Variants in ZNF529 observed in about 807,000 individuals in gnomAD.
ZNF529 encodes the protein zinc finger protein 529.
ZNF529 carries 11 observed loss-of-function variants against 10.1 expected under a neutral mutation model. The ratio of observed to expected loss-of-function variants is 1.09; its 90% confidence interval spans 0.69 to 1.81. ZNF529 has a LOEUF of 1.81. Ranked by LOEUF, ZNF529 falls within the 40% of genes most tolerant of loss-of-function variation. The pLI is 0.00. For missense variants in ZNF529, 624 were observed against 666.8 expected, an observed-to-expected ratio of 0.94 and a Z score of 0.71; for synonymous variants, 204 against 215.7, an observed-to-expected ratio of 0.95 and a Z score of 0.47.
At chr19:36,570,463 A>G (rs1208985516) in intron 2 of ZNF529, among the ~76,000 whole-genome samples, 1 of 152,156 alleles carries the variant, frequency 6.6e-6, no homozygotes, top group Non-Finnish European at 1.5e-5. Context: ...CTGGTTGGCC[A>G]CGCTTCATGT....
At chr19:36,570,697 T>A (rs1278751497) in intron 2 of ZNF529, among the ~76,000 whole-genome samples, 1 of 152,254 alleles carries the variant, frequency 6.6e-6, no homozygotes, top group African/African-American at 2.4e-5. Flanking sequence ...TCAAATTGCC[T>A]TAATAGAACA....
At chr19:36,577,249 C>A (rs754486784), upstream of ZNF529, 1 of 435,028 alleles carries the variant, frequency 2.3e-6, no homozygotes, top group South Asian at 1.6e-5. Flanking sequence ...TGTGAACCAC[C>A]GTGCCCGGCC....
chr19:36,580,178 T>C (rs941797558), intron 2 of ZNF529: 2 of 152,194 alleles, frequency 1.3e-5, no homozygotes, highest in Admixed American at 6.5e-5. Flanking sequence ...ATTAAAAATA[T>C]GCATGGAGCT....
chr19:36,601,270 A>T (rs1274167948), intron 1 of ZNF529, among the ~76,000 whole-genome samples: 1 of 150,818 alleles, frequency 6.6e-6, no homozygotes, highest in Admixed American at 6.6e-5. Flanking sequence ...CACCTGGCTA[A>T]TTTTTTTTTA....
chr19:36,581,929 AT>A (rs1168771678), intron 2 of ZNF529: 1 of 152,250 alleles, frequency 6.6e-6, no homozygotes, highest in African/African-American at 2.4e-5. Context: ...ACAATGTAAT[AT>A]TATTCAGCCT....
rs1288878592 is a variant in ZNF529, at chr19:36,546,135, C to T, written c.*731G>A. 1.4e-5 allele frequency: 2 copies of T among 147,232 alleles called. No homozygotes were observed. Among genetic ancestry groups the T allele is most frequent in the African/African-American group, 5.0e-5 (2 of 40,096 alleles). 9.1% of individuals were successfully genotyped at this position (147,232 alleles called of 1,614,324 possible). ...ATATAGTATACATCACACACATATACATCACACACTATATACACACATATA... is the reference window on the plus strand; with the variant it reads ...ATATAGTATACATCACACACATATATATCACACACTATATACACACATATA... On this transcript the variant is annotated 3_prime_UTR_variant, in exon 5 of 5. Coordinates refer to ENST00000591340, the MANE Select transcript of ZNF529 (RefSeq NM_020951.5).
Position 36,561,187 on chromosome 19 carries a change from C to T in ZNF529, c.15-4990G>A, listed in dbSNP as rs1235593337. Among the ~76,000 whole-genome samples the T allele has an allele frequency of 2.6e-5, 4 of 152,124 alleles. No individual in the cohort carries two copies. In the East Asian group the frequency reaches 7.7e-4, roughly 29 times the overall value. On this transcript the variant is annotated intron_variant, in intron 2 of 4. Transcript: ENST00000591340. ...GAACTTTGGGGCTTGCTGCCCGGGG[C>T]TGCCTCAAGTCTCTGCTCCCCACAT...
Position 36,548,335 on chromosome 19 carries a change from A to G in ZNF529, c.236-13T>C. On this transcript the variant is annotated splice_polypyrimidine_tract_variant and intron_variant, in intron 4 of 4. Coordinates refer to ENST00000591340, the MANE Select transcript of ZNF529 (RefSeq NM_020951.5). ...CTGGACTCCAAATCTGAAAGAAAGG[A>G]AAAAATAATTTTCATGTACTACAAA... 6.7e-7 allele frequency: 1 copy of G among 1,502,754 alleles called. No homozygotes were observed. Among genetic ancestry groups the G allele is most frequent in the Non-Finnish European group, 8.9e-7 (1 of 1,126,578 alleles). 93.1% of individuals were successfully genotyped at this position (1,502,754 alleles called of 1,614,324 possible). A position where few individuals can be genotyped will look rare whatever the true frequency, so the allele number is the denominator to read the frequency against.
At chr19:36,584,458 C>G (rs2036535754) in intron 2 of ZNF529, among the ~76,000 whole-genome samples, 1 of 152,030 alleles carries the variant, frequency 6.6e-6, no homozygotes, top group African/African-American at 2.4e-5. Context: ...CAAATTAGAT[C>G]AAAAGCACCA....
chr19:36,561,149 T>C (rs537283640), intron 2 of ZNF529, among the ~76,000 whole-genome samples: 28 of 152,152 alleles, frequency 1.8e-4, no homozygotes, highest in African/African-American at 5.8e-4. Context: ...GGGAAGGGCG[T>C]AGAACACTCA....
intron 4 of ZNF529, among the ~76,000 whole-genome samples, chr19:36,553,508 A>C (rs1008101038): frequency 2.0e-5 from 3 of 152,122 alleles, no homozygotes; most frequent in African/African-American, 2.4e-5. Context: ...AGCTGAGAGG[A>C]AAGTTAGTAA....
chr19:36,560,337 C>G (rs555009005), intron 2 of ZNF529, among the ~76,000 whole-genome samples: 1 of 150,840 alleles, frequency 6.6e-6, no homozygotes, highest in East Asian at 1.9e-4. Flanking sequence ...TATATCTCTT[C>G]TCCTCTTAAC....
At position 36,544,632 on chromosome 19, in the gene ZNF529, T is replaced by A. The variant is rs3170326; in HGVS notation, c.*2234A>T. 1.3e-5 allele frequency: 2 copies of A among 152,188 alleles called. No individual in the cohort carries two copies. Among genetic ancestry groups the A allele is most frequent in the African/African-American group, 2.4e-5 (1 of 41,534 alleles). The allele number at this position is 152,188 out of a possible 1,614,324, so 9.4% of individuals were successfully genotyped here. A position where few individuals can be genotyped will look rare whatever the true frequency, so the allele number is the denominator to read the frequency against. ...ATTTAGTTAGAAATAGAGCTACTACTCTATTTCAAAGATATGAAATAGCAA... is the reference window on the plus strand; with the variant it reads ...ATTTAGTTAGAAATAGAGCTACTACACTATTTCAAAGATATGAAATAGCAA... On this transcript the variant is annotated 3_prime_UTR_variant, in exon 5 of 5. Coordinates refer to ENST00000591340, the MANE Select transcript of ZNF529 (RefSeq NM_020951.5).
upstream of ZNF529, among the ~76,000 whole-genome samples, chr19:36,574,020 T>A (rs1238942316): frequency 1.3e-5 from 2 of 152,192 alleles, no homozygotes; most frequent in South Asian, 4.1e-4. Flanking sequence ...AGGGCGTGTT[T>A]TACACTGTTG....
chr19:36,558,322 G>C (rs987314652), intron 2 of ZNF529, among the ~76,000 whole-genome samples: 1 of 151,944 alleles, frequency 6.6e-6, no homozygotes, highest in African/African-American at 2.4e-5. Context: ...CATCCAGGAA[G>C]CTCAACAAAC....
intron 2 of ZNF529, among the ~76,000 whole-genome samples, chr19:36,561,474 C>T (rs1255698669): frequency 6.6e-6 from 1 of 151,960 alleles, no homozygotes; most frequent in East Asian, 1.9e-4. Context: ...CCTCCGCCTC[C>T]CCGGCTCAAG....
rs547867409 is a variant in ZNF529, at chr19:36,572,436, G to C, written c.-46-44C>G. The C allele has an allele frequency of 1.3e-4, 185 of 1,446,492 alleles. 6 individuals carry two copies. The South Asian group carries it at 2.3e-3, about 18-fold the overall frequency. The allele number at this position is 1,446,492 out of a possible 1,614,324, so 89.6% of individuals were successfully genotyped here. On this transcript the variant is annotated intron_variant, in intron 1 of 4. Coordinates refer to ENST00000591340, the MANE Select transcript of ZNF529 (RefSeq NM_020951.5). ...GAAAGGACTCATGACATCCTGGACT[G>C]GTTAAATAAGAACACAGTGTTCACC...
chr19:36,556,078 A>G (rs2145808467), intron 3 of ZNF529, 26 bp downstream of exon 3: 1 of 1,548,554 alleles, frequency 6.5e-7, no homozygotes, highest in Non-Finnish European at 8.7e-7. Flanking sequence ...GAAATATCAC[A>G]AAGAAAAGAG....
At chr19:36,595,268 T>C (rs3111545) in intron 1 of ZNF529, among the ~76,000 whole-genome samples, 51,602 of 152,080 alleles carry the variant, frequency 0.34, 9,335 homozygotes, top group African/African-American at 0.48. Flanking sequence ...GAAGAGTGAA[T>C]TTATGACCTC....
Sources: allele counts gnomAD v4.1 joint callset (sites outside exome capture counted in the v4.1 genomes callset), GRCh38; gene constraint gnomAD v4.1.1; transcripts MANE v1.5; gene names NCBI Gene and HGNC (gene_info 2026-07-23, HGNC 2026-07-21).